IGF2R: variants seen among roughly 807,000 people sequenced by gnomAD.
IGF2R encodes insulin like growth factor 2 receptor, also known as cation-independent mannose-6-phosphate receptor.
In IGF2R, 91 loss-of-function variants were observed where a neutral mutation model predicts 270.6. That is an observed-to-expected ratio of 0.34 (90% CI 0.28 to 0.40). The LOEUF (loss-of-function observed/expected upper bound fraction) is 0.40, where lower values mean the gene tolerates loss of function less well. Ranked by LOEUF, IGF2R falls within the 10% of genes least tolerant of loss-of-function variation. The probability of loss-of-function intolerance (pLI) is 1.00; values close to 1 mark genes in which losing one functional copy is unlikely to be tolerated. For synonymous variants in IGF2R, 1,316 were observed against 1,258.9 expected (o/e 1.05, Z -0.96); for missense variants, 2,805 against 3,188.3 (o/e 0.88, Z 2.90).
At chr6:160,091,617 C>A (rs1779228226) in intron 44 of IGF2R, among the ~76,000 whole-genome samples, 1 of 152,218 alleles carries the variant, frequency 6.6e-6, no homozygotes, top group African/African-American at 2.4e-5. Context: ...TTGCATAACT[C>A]CACAGCACGG....
intron 4 of IGF2R, among the ~76,000 whole-genome samples, chr6:160,020,296 A>G (rs564975344): frequency 6.6e-6 from 1 of 152,304 alleles, no homozygotes; most frequent in East Asian, 1.9e-4. Flanking sequence ...GATGAAAGAA[A>G]TTGTAGATAG....
At position 160,043,249 on chromosome 6, in the gene IGF2R, G is replaced by T. The variant is rs1777986392; in HGVS notation, c.1582G>T (p.Ala528Ser). 3 of 1,614,110 alleles carry T rather than the reference G, an allele frequency of 1.9e-6. No homozygotes were observed. Among genetic ancestry groups the T allele is most frequent in the Middle Eastern group, 1.6e-4 (1 of 6,084 alleles). ...TCACAGAGTGCTGCAGGAAGGCAAG[G>T]CACGAGGGTGTCCCGAGGACGCGGC... Reference protein sequence around the residue: ...ICHRVLQEGKARGCPEDAAVC... With the variant: ...ICHRVLQEGKSRGCPEDAAVC... The change falls in exon 12 of 48, where the codon GCA becomes TCA. Residue 528 changes from alanine (A) to serine (S), a missense_variant. Around this residue, in one of 2 missense-constraint regions of IGF2R, gnomAD observed 954 missense variants for 981.1 expected, o/e 0.97. Transcript: ENST00000356956.
chr6:160,087,779 A>C (rs1336088394), intron 41 of IGF2R, among the ~76,000 whole-genome samples: 1 of 152,104 alleles, frequency 6.6e-6, no homozygotes, highest in South Asian at 2.1e-4. Context: ...GGGTTCAAGC[A>C]ATTCTCCTGC....
intron 27 of IGF2R, 128 bp downstream of exon 27, chr6:160,063,758 A>G (rs1415721289): frequency 4.4e-6 from 3 of 678,728 alleles, no homozygotes; most frequent in Non-Finnish European, 7.4e-6. Flanking sequence ...AAAAAAAAGC[A>G]TATTAATGAT....
At chr6:160,058,743 T>TA (rs1251776446) in intron 21 of IGF2R, among the ~76,000 whole-genome samples, 163 bp from the exon 22 acceptor site, 1 of 152,244 alleles carries the variant, frequency 6.6e-6, no homozygotes, top group Non-Finnish European at 1.5e-5. Context: ...CCTTTGGACT[T>TA]ATGTACTAAC....
intron 38 of IGF2R, 90 bp from the exon 39 acceptor site, chr6:160,080,039 C>A: frequency 6.8e-7 from 1 of 1,469,132 alleles, no homozygotes; most frequent in Non-Finnish European, 9.3e-7. Context: ...TTAGGATGGG[C>A]AGCTTCCTTA....
chr6:160,008,972 G>A (rs1226841126), intron 2 of IGF2R, 38 bp from the exon 3 acceptor site: 3 of 1,608,740 alleles, frequency 1.9e-6, no homozygotes, highest in Non-Finnish European at 2.6e-6. Flanking sequence ...GGTTATGTAT[G>A]TTTTATAGCC....
Position 160,089,119 on chromosome 6 carries a change from C to T in IGF2R, c.6333C>T (p.Asp2111=). Residue 2111 remains aspartate (D), a synonymous_variant, in exon 43 of 48, where the codon GAC becomes GAT. Coordinates refer to ENST00000356956, the MANE Select transcript of IGF2R (RefSeq NM_000876.4). ...GRPAFKRFDI[D]SCTYYFSWDS... ...TCCCTCCTCCTAGGTTTGATATCGA[C>T]AGCTGCACTTACTACTTCAGCTGGG... 4 of 1,613,728 alleles carry T rather than the reference C, an allele frequency of 2.5e-6. No homozygotes were observed. The highest frequency in any genetic ancestry group is 3.4e-6 in the Non-Finnish European group (4 of 1,179,730).
At chr6:160,082,199 C>T (rs558993083) in intron 39 of IGF2R, among the ~76,000 whole-genome samples, 14 of 152,148 alleles carry the variant, frequency 9.2e-5, no homozygotes, top group Admixed American at 3.3e-4. Context: ...GTTAAATTTA[C>T]GAAGGATTGC....
rs780426967 is a variant in IGF2R, at chr6:160,069,941, C to T, written c.4326C>T (p.Asp1442=). Residue 1442 remains aspartate (D), a synonymous_variant, in exon 31 of 48, where the codon GAC becomes GAT. Coordinates refer to ENST00000356956, the MANE Select transcript of IGF2R (RefSeq NM_000876.4). ...SKPVNLGRVR[D]GPQWRDGIIV... is the part of the protein sequence containing the mutation. ...CCGTGAACCTCGGCAGGGTAAGGGACGGACCTCAGTGGAGAGATGGCATAA... is the reference window on the plus strand; with the variant it reads ...CCGTGAACCTCGGCAGGGTAAGGGATGGACCTCAGTGGAGAGATGGCATAA... The T allele has an allele frequency of 8.1e-6, 13 of 1,614,028 alleles. No individual in the cohort carries two copies. The East Asian group carries it at 1.1e-4, about 14-fold the overall frequency.
intron 10 of IGF2R, among the ~76,000 whole-genome samples, chr6:160,034,850 G>A (rs899612789): frequency 5.9e-5 from 9 of 152,158 alleles, no homozygotes; most frequent in African/African-American, 1.7e-4. Context: ...GGACAGATTC[G>A]GCAGGGGCGG....
chr6:160,060,515 T>C (rs1778414048), intron 22 of IGF2R, 32 bp from the exon 23 acceptor site: 1 of 1,610,940 alleles, frequency 6.2e-7, no homozygotes. Flanking sequence ...TACTGTTCTG[T>C]CTCTTAAAAT....
At position 160,104,958 on chromosome 6, in the gene IGF2R, G is replaced by A. The variant is rs1779580802; in HGVS notation, c.7350G>A (p.Arg2450=). The change falls in exon 48 of 48, where the codon AGG becomes AGA. Residue 2450 remains arginine (R), a synonymous_variant. Coordinates refer to ENST00000356956, the MANE Select transcript of IGF2R (RefSeq NM_000876.4). ...SNALQEREDD[R]VGLVRGEKAR... ...CCCTTCAGGAGCGTGAGGACGATAG[G>A]GTGGGGCTGGTCAGGGGTGAGAAGG... 6.2e-7 allele frequency: 1 copy of A among 1,613,968 alleles called. No individual in the cohort carries two copies. The highest frequency in any genetic ancestry group is 1.7e-5 in the Admixed American group (1 of 60,004).
chr6:160,045,624 C>T, intron 13 of IGF2R, 121 bp from the exon 14 acceptor site: 2 of 1,209,988 alleles, frequency 1.7e-6, no homozygotes, highest in South Asian at 1.2e-5. Flanking sequence ...TTTGACCCTT[C>T]TATGCATTAT....
intron 5 of IGF2R, among the ~76,000 whole-genome samples, chr6:160,026,292 G>C (rs1486390083): frequency 6.6e-6 from 1 of 152,190 alleles, no homozygotes; most frequent in East Asian, 1.9e-4. Flanking sequence ...GAAGGCTTGA[G>C]AGTTAAAGGT....
At position 160,010,738 on chromosome 6, in the gene IGF2R, A is replaced by G. The variant is rs1784321251; in HGVS notation, c.466A>G (p.Arg156Gly). Residue 156 changes from arginine (R) to glycine (G), a missense_variant, in exon 4 of 48, where the codon AGG (arginine) becomes GGG (glycine). Transcript: ENST00000356956. ...AGAATGTGTGCACTACTTTGAGTGG[A>G]GGACCACTGCAGCCTGCAAGAAAGA... is the stretch of plus-strand genomic sequence containing the variant. ...ATECVHYFEW[R>G]TTAACKKDIF... The G allele has an allele frequency of 1.2e-6, 2 of 1,612,914 alleles. No homozygotes were observed. The highest frequency in any genetic ancestry group is 8.5e-7 in the Non-Finnish European group (1 of 1,178,910).
chr6:160,065,615 G>A (rs901916945), intron 29 of IGF2R, among the ~76,000 whole-genome samples: 2 of 151,686 alleles, frequency 1.3e-5, no homozygotes. Context: ...AAACAAATTT[G>A]TTTCTCATTT....
At chr6:160,043,394 T>A in intron 12 of IGF2R, 106 bp downstream of exon 12, 2 of 1,274,048 alleles carry the variant, frequency 1.6e-6, no homozygotes, top group Non-Finnish European at 2.2e-6. Context: ...CCTCTTTCTA[T>A]AATCACATGA....
At chr6:160,048,658 C>A in intron 18 of IGF2R, 115 bp downstream of exon 18, 1 of 1,050,946 alleles carries the variant, frequency 9.5e-7, no homozygotes, top group Non-Finnish European at 1.4e-6. Flanking sequence ...TCGAGAGAAA[C>A]CCTCTGAGTA....
Sources: gnomAD v4.1 joint callset for allele counts (sites outside exome capture counted in the v4.1 genomes callset) on GRCh38, gnomAD v4.1.1 for gene constraint, gnomAD v4.1.1 regional missense constraint, MANE v1.5 for transcripts, NCBI Gene and HGNC (gene_info 2026-07-23, HGNC 2026-07-21) for gene names.